ITGA9: variants seen among roughly 807,000 people sequenced by gnomAD.
ITGA9 encodes integrin subunit alpha 9, also known as integrin alpha-9.
A neutral mutation model predicts 127.8 loss-of-function variants in ITGA9; 56 were observed. That is an observed-to-expected ratio of 0.44 (90% confidence interval 0.35 to 0.55). ITGA9 has a LOEUF of 0.55. ITGA9 is among the 20% of genes least tolerant of loss of function. The pLI is 0.00. For missense variants in ITGA9, 1,196 were observed against 1,347.1 expected (o/e 0.89, Z 1.76); for synonymous variants, 508 against 514.5 (o/e 0.99, Z 0.17).
At chr3:37,540,634 G>T (rs995744514) in intron 14 of ITGA9, among the ~76,000 whole-genome samples, 15 of 152,168 alleles carry the variant, frequency 9.9e-5, no homozygotes, top group Non-Finnish European at 1.8e-4. Context: ...AGCAAGTCTT[G>T]TTCCCTTTTG....
chr3:37,590,755 G>A lies in ITGA9; in HGVS notation c.1690-38432G>A, dbSNP rs558257688. Among the ~76,000 whole-genome samples the A allele has an allele frequency of 9.2e-5, 14 of 151,608 alleles. No homozygotes were observed. In the East Asian group the frequency reaches 2.7e-3, roughly 29 times the overall value. On this transcript the variant is annotated intron_variant, in intron 15 of 27. Coordinates refer to ENST00000264741, the MANE Select transcript of ITGA9 (RefSeq NM_002207.3). The stretch of plus-strand genomic sequence containing the variant: ...GGGGGATGGATGAGGGCTAAGGCAT[G>A]CTTTACCCCTGGCTCCCAGGCACAG...
intron 15 of ITGA9, among the ~76,000 whole-genome samples, chr3:37,624,924 A>G (rs560831656): frequency 6.6e-6 from 1 of 152,240 alleles, no homozygotes; most frequent in South Asian, 2.1e-4. Flanking sequence ...ACTTTTCTAT[A>G]ACAGCCTCTA....
chr3:37,452,211 GC>G lies in ITGA9; in HGVS notation c.-161del. ...TGTGCTCGCCTTCAGCGCCCGCTCA[GC>G]CCGCCGTCCGCGCCCCGGTGGCGGG... On this transcript the variant is annotated 5_prime_UTR_variant, in exon 1 of 28. Transcript: ENST00000264741. This position sits in a 1 kb window ranked among gnomAD's most constrained non-coding sequence, Gnocchi z 7.3. 5.2e-6 allele frequency: 1 copy of G among 193,092 alleles called. No individual in the cohort carries two copies. Among genetic ancestry groups the G allele is most frequent in the Non-Finnish European group, 9.4e-6 (1 of 106,498 alleles). 12.0% of individuals were successfully genotyped at this position (193,092 alleles called of 1,614,324 possible).
At chr3:37,762,076 A>G (rs1696729558) in intron 23 of ITGA9, among the ~76,000 whole-genome samples, 1 of 152,214 alleles carries the variant, frequency 6.6e-6, no homozygotes, top group African/African-American at 2.4e-5. Flanking sequence ...TTACTTTCTT[A>G]ATAAACTTGC....
intron 15 of ITGA9, among the ~76,000 whole-genome samples, chr3:37,594,600 A>C (rs998639424): frequency 6.6e-6 from 1 of 152,150 alleles, no homozygotes; most frequent in African/African-American, 2.4e-5. Flanking sequence ...CCAGGATTTG[A>C]ATCTGAACTC....
intron 4 of ITGA9, among the ~76,000 whole-genome samples, chr3:37,483,033 A>G (rs1224268209): frequency 6.6e-6 from 1 of 152,188 alleles, no homozygotes; most frequent in Non-Finnish European, 1.5e-5. Flanking sequence ...TTCCTAAGGA[A>G]GAAAAAGGAA....
chr3:37,796,271 A>G (rs1697172443), intron 26 of ITGA9, among the ~76,000 whole-genome samples: 1 of 152,070 alleles, frequency 6.6e-6, no homozygotes, highest in Non-Finnish European at 1.5e-5. Flanking sequence ...TGCCTCTATC[A>G]TGAGGATCTT....
chr3:37,525,919 C>T (rs1231994255), intron 12 of ITGA9, 107 bp from the exon 13 acceptor site: 1 of 873,364 alleles, frequency 1.1e-6, no homozygotes. Flanking sequence ...CGTCTGAGGG[C>T]TCTCCGGCCT....
In ITGA9 at chr3:37,483,705, G is replaced by A. The variant is rs550317370; in HGVS notation, c.544+2098G>A. The stretch of plus-strand genomic sequence containing the variant: ...GTGGGCTGGGAAAGCCTCCAGGACA[G>A]AGGTGCTGGCAGGTGGCAGTCAGGC... On this transcript the variant is annotated intron_variant, in intron 4 of 27. Transcript: ENST00000264741. Among the ~76,000 whole-genome samples, 392 of 152,336 alleles carry A rather than the reference G, an allele frequency of 2.6e-3. 10 individuals carry two copies. Among genetic ancestry groups the A allele is most frequent in the Admixed American group, 0.024 (362 of 15,308 alleles).
chr3:37,786,822 C>G (rs1319965613), intron 26 of ITGA9, among the ~76,000 whole-genome samples: 3 of 152,116 alleles, frequency 2.0e-5, no homozygotes, highest in African/African-American at 7.2e-5. Flanking sequence ...GATAAGTTGT[C>G]CAAGCACTAT....
chr3:37,529,399 G>A (rs1454895034), intron 13 of ITGA9, among the ~76,000 whole-genome samples: 1 of 152,106 alleles, frequency 6.6e-6, no homozygotes, highest in Admixed American at 6.5e-5. Flanking sequence ...GTGGCAGGGG[G>A]AGGTCAGGGG....
At chr3:37,730,070 T>A (rs770826122) in intron 18 of ITGA9, among the ~76,000 whole-genome samples, 1 of 152,202 alleles carries the variant, frequency 6.6e-6, no homozygotes, top group Non-Finnish European at 1.5e-5. Flanking sequence ...TTGAAAGGAA[T>A]TCCCAGTGAG....
intron 18 of ITGA9, among the ~76,000 whole-genome samples, chr3:37,685,710 G>A (rs560521360): frequency 3.3e-5 from 5 of 152,244 alleles, no homozygotes; most frequent in African/African-American, 7.2e-5. Flanking sequence ...TTTCCTTCCA[G>A]CCTCATTTAA....
chr3:37,565,990 C>T (rs1490893464), intron 15 of ITGA9, among the ~76,000 whole-genome samples: 1 of 152,162 alleles, frequency 6.6e-6, no homozygotes, highest in African/African-American at 2.4e-5. Flanking sequence ...TGTCCATGCC[C>T]AAGAGTTCCA....
intron 23 of ITGA9, among the ~76,000 whole-genome samples, chr3:37,763,461 G>A (rs755789214): frequency 2.6e-5 from 4 of 152,196 alleles, no homozygotes; most frequent in Non-Finnish European, 5.9e-5. Context: ...CCATGCTGCC[G>A]TTGTGTGGGG....
intron 1 of ITGA9, among the ~76,000 whole-genome samples, chr3:37,464,193 A>AT (rs1363700440): frequency 6.7e-6 from 1 of 149,048 alleles, no homozygotes; most frequent in Non-Finnish European, 1.5e-5. Context: ...GTTTTTGCAG[A>AT]TTTTTTTGTG....
At chr3:37,460,423 T>C (rs926025517) in intron 1 of ITGA9, among the ~76,000 whole-genome samples, 3 of 152,182 alleles carry the variant, frequency 2.0e-5, no homozygotes, top group Non-Finnish European at 4.4e-5. Context: ...TTGATTGTAG[T>C]TTAAAAATAA....
chr3:37,742,723 T>C, intron 21 of ITGA9, among the ~76,000 whole-genome samples: 1 of 152,190 alleles, frequency 6.6e-6, no homozygotes, highest in East Asian at 1.9e-4. Context: ...GTAGAAATGT[T>C]GATCCCTTGC....
At chr3:37,588,160 G>T (rs1391727469) in intron 15 of ITGA9, among the ~76,000 whole-genome samples, 1 of 152,190 alleles carries the variant, frequency 6.6e-6, no homozygotes, top group Non-Finnish European at 1.5e-5. Flanking sequence ...AATATTTAAA[G>T]ATTACAAATC....
Sources: gnomAD v4.1 joint callset for allele counts (sites outside exome capture counted in the v4.1 genomes callset) on GRCh38, gnomAD v4.1.1 for gene constraint, Gnocchi (gnomAD v3.1) non-coding constraint, MANE v1.5 for transcripts, NCBI Gene and HGNC (gene_info 2026-07-23, HGNC 2026-07-21) for gene names.